Variants in PDE4D observed in about 807,000 individuals in gnomAD.
The protein encoded by PDE4D is phosphodiesterase 4D, also known as 3',5'-cyclic-AMP phosphodiesterase 4D.
In PDE4D, 24 loss-of-function variants were observed where a neutral mutation model predicts 87.4. The ratio of observed to expected loss-of-function variants is 0.27; its 90% CI spans 0.20 to 0.39. The LOEUF (loss-of-function observed/expected upper bound fraction) is 0.39. PDE4D is among the 10% of genes least tolerant of loss of function. PDE4D has a pLI of 1.00. For synonymous variants in PDE4D, 384 were observed against 383.2 expected (o/e 1.00, Z -0.02); for missense variants, 714 against 1,041.0 (o/e 0.69, Z 4.32).
intron 1 of PDE4D, among the ~76,000 whole-genome samples, chr5:59,819,806 G>T (rs570355934): frequency 6.6e-6 from 1 of 152,284 alleles, no homozygotes; most frequent in South Asian, 2.1e-4. Context: ...TGGTAAAAAA[G>T]AACCAGAAAT....
At chr5:59,036,181 C>T (rs929562394) in intron 6 of PDE4D, among the ~76,000 whole-genome samples, 2 of 152,170 alleles carry the variant, frequency 1.3e-5, no homozygotes, top group African/African-American at 4.8e-5. Context: ...CTTCCTAATA[C>T]CTAAATCCAT....
chr5:59,370,091 T>C (rs891982425), intron 1 of PDE4D, among the ~76,000 whole-genome samples: 6 of 152,162 alleles, frequency 3.9e-5, no homozygotes, highest in African/African-American at 1.4e-4. Flanking sequence ...CTTCTCGCCA[T>C]CTCCACTGCC....
intron 1 of PDE4D, among the ~76,000 whole-genome samples, chr5:60,243,637 G>GGGAA (rs1455167962): frequency 1.4e-4 from 21 of 151,924 alleles, no homozygotes; most frequent in African/African-American, 4.8e-4. Context: ...GTTTATCCCA[G>GGGAA]GGAAGCAAGG....
intron 1 of PDE4D, among the ~76,000 whole-genome samples, chr5:59,884,252 CT>C (rs1386727119): frequency 6.6e-6 from 1 of 151,872 alleles, no homozygotes; most frequent in Non-Finnish European, 1.5e-5. Flanking sequence ...CTCTCTCTCA[CT>C]CTACATATAT....
chr5:59,756,088 A>G (rs1015727958), intron 1 of PDE4D, among the ~76,000 whole-genome samples: 9 of 151,816 alleles, frequency 5.9e-5, no homozygotes, highest in African/African-American at 2.2e-4. Flanking sequence ...CTATTATTTT[A>G]GTTCTTCTGA....
intron 1 of PDE4D, among the ~76,000 whole-genome samples, chr5:60,305,476 T>C (rs1448008941): frequency 2.0e-5 from 3 of 151,950 alleles, no homozygotes; most frequent in Non-Finnish European, 2.9e-5. Flanking sequence ...GGAGCTAACA[T>C]ATAGCTCATC....
intron 1 of PDE4D, among the ~76,000 whole-genome samples, chr5:60,466,630 T>G (rs547399830): frequency 9.8e-5 from 15 of 152,334 alleles, no homozygotes; most frequent in Admixed American, 7.2e-4. Context: ...AGCAATTCAA[T>G]GAGATTGAAA....
chr5:60,361,374 C>T (rs1561164568), intron 1 of PDE4D, among the ~76,000 whole-genome samples: 2 of 152,104 alleles, frequency 1.3e-5, no homozygotes, highest in Non-Finnish European at 2.9e-5. Context: ...ATTAATCAAT[C>T]ATTGATGCAA....
At chr5:59,311,587 C>G (rs1227289455) in intron 1 of PDE4D, among the ~76,000 whole-genome samples, 1 of 149,530 alleles carries the variant, frequency 6.7e-6, no homozygotes, top group Non-Finnish European at 1.5e-5. Context: ...CTTCCCTGTT[C>G]TGTCTTGCAG....
At chr5:59,286,835 T>C (rs1428971298) in intron 1 of PDE4D, among the ~76,000 whole-genome samples, 1 of 152,160 alleles carries the variant, frequency 6.6e-6, no homozygotes, top group African/African-American at 2.4e-5. Flanking sequence ...TTGGAAAAAA[T>C]GCATTTTTAC....
chr5:60,268,438 C>T (rs1319128079), intron 1 of PDE4D, among the ~76,000 whole-genome samples: 1 of 152,152 alleles, frequency 6.6e-6, no homozygotes, highest in Non-Finnish European at 1.5e-5. Context: ...TAGTAACCAC[C>T]ATAGGGAGGA....
At chr5:59,142,143 A>G (rs549100705) in intron 5 of PDE4D, among the ~76,000 whole-genome samples, 42 of 152,360 alleles carry the variant, frequency 2.8e-4, no homozygotes, top group Non-Finnish European at 1.9e-4. Flanking sequence ...AATAACAGTG[A>G]TGAAATTAGC....
At position 59,022,666 on chromosome 5, in the gene PDE4D, T is replaced by C. The variant is rs117703365; in HGVS notation, c.921+16193A>G. Among the ~76,000 whole-genome samples the C allele has an allele frequency of 4.6e-5, 7 of 152,262 alleles. No individual in the cohort carries two copies. The East Asian group carries it at 1.4e-3, about 29-fold the overall frequency. ...CCTCATCCCACTGACCCTATTATCC[T>C]TCTGTGCACATGTTAGAGGGCACAT... On this transcript the variant is annotated intron_variant, in intron 6 of 14. Coordinates refer to ENST00000340635, the MANE Select transcript of PDE4D (RefSeq NM_001104631.2).
chr5:60,314,614 C>T (rs903665237), intron 1 of PDE4D, among the ~76,000 whole-genome samples: 1 of 151,984 alleles, frequency 6.6e-6, no homozygotes, highest in Non-Finnish European at 1.5e-5. Flanking sequence ...TTAGGTATAT[C>T]TCCTAATGCT....
intron 1 of PDE4D, among the ~76,000 whole-genome samples, chr5:59,701,641 G>A (rs574145055): frequency 2.0e-5 from 3 of 152,210 alleles, no homozygotes; most frequent in South Asian, 2.1e-4. Flanking sequence ...GTCACACTCA[G>A]ACAGTGAGAA....
chr5:60,336,894 A>G (rs1757798023), intron 1 of PDE4D, among the ~76,000 whole-genome samples: 1 of 152,190 alleles, frequency 6.6e-6, no homozygotes, highest in Non-Finnish European at 1.5e-5. Context: ...TTTAGTATAA[A>G]TACATGTTAT....
chr5:59,651,877 C>A (rs1375370129), intron 1 of PDE4D, among the ~76,000 whole-genome samples: 1 of 152,166 alleles, frequency 6.6e-6, no homozygotes, highest in East Asian at 1.9e-4. Flanking sequence ...GAATGAAAGA[C>A]TCATTTTCCT....
chr5:60,402,288 G>A (rs1583639506), intron 1 of PDE4D, among the ~76,000 whole-genome samples: 1 of 151,920 alleles, frequency 6.6e-6, no homozygotes, highest in Non-Finnish European at 1.5e-5. Flanking sequence ...GCGAATTTTG[G>A]CATCCAAAAA....
chr5:59,819,277 G>T lies in PDE4D; in HGVS notation c.455+73891C>A, dbSNP rs571395981. On this transcript the variant is annotated intron_variant, in intron 1 of 14. Coordinates refer to ENST00000340635, the MANE Select transcript of PDE4D (RefSeq NM_001104631.2). ...TGCAGGTTTTATTTTGAGTATTCTC[G>T]CCTTCTCAACGCCTGGTAAAACTGA... Among the ~76,000 whole-genome samples the T allele has an allele frequency of 7.9e-5, 12 of 152,056 alleles. No homozygotes were observed. The East Asian group carries it at 2.3e-3, about 29-fold the overall frequency.
Sources: allele counts gnomAD v4.1 joint callset (sites outside exome capture counted in the v4.1 genomes callset), GRCh38; gene constraint gnomAD v4.1.1; transcripts MANE v1.5; gene names NCBI Gene and HGNC (gene_info 2026-07-23, HGNC 2026-07-21).